PLCXD2: variants seen among roughly 807,000 people sequenced by gnomAD.
PLCXD2 encodes phosphatidylinositol specific phospholipase C X domain containing 2.
Under a neutral mutation model 28.6 loss-of-function variants are expected in PLCXD2, and 21 were observed. The ratio of observed to expected loss-of-function variants is 0.73; its 90% CI spans 0.52 to 1.06. The LOEUF is 1.06. PLCXD2 is among the 50% of genes least tolerant of loss of function. PLCXD2 has a pLI of 0.00. For synonymous variants in PLCXD2, 140 were observed against 150.1 expected, an observed-to-expected ratio of 0.93 and a Z score of 0.49; for missense variants, 369 against 376.7, an observed-to-expected ratio of 0.98 and a Z score of 0.17.
intron 1 of PLCXD2, among the ~76,000 whole-genome samples, chr3:111,703,197 C>T (rs1941071032): frequency 6.6e-6 from 1 of 152,142 alleles, no homozygotes; most frequent in Admixed American, 6.5e-5. Flanking sequence ...CTGTCCTGTC[C>T]TGTAAAGGGG....
At chr3:111,724,433 A>G (rs1941388132) in intron 3 of PLCXD2, 1 of 152,102 alleles carries the variant, frequency 6.6e-6, no homozygotes, top group Non-Finnish European at 1.5e-5. Context: ...ACATGATCTC[A>G]TATTCATCCA....
At chr3:111,696,228 C>T (rs970803529) in intron 1 of PLCXD2, among the ~76,000 whole-genome samples, 1 of 152,246 alleles carries the variant, frequency 6.6e-6, no homozygotes, top group Non-Finnish European at 1.5e-5. Context: ...GCTGTTTGCA[C>T]AGATTGTCTT....
chr3:111,697,216 A>G (rs1297308675), intron 1 of PLCXD2, among the ~76,000 whole-genome samples: 2 of 152,176 alleles, frequency 1.3e-5, no homozygotes, highest in African/African-American at 4.8e-5. Flanking sequence ...TTGCAGGTAC[A>G]CCTTGTCAAA....
At chr3:111,719,394 A>AT (rs1002833170) in intron 3 of PLCXD2, among the ~76,000 whole-genome samples, 16 of 152,128 alleles carry the variant, frequency 1.1e-4, no homozygotes, top group Admixed American at 4.6e-4. Context: ...CAACTCAACA[A>AT]TTTTTTTAAA....
rs528247982 is a variant in PLCXD2, at chr3:111,724,511, G to A, written c.867-8108G>A. ...CTGGAATTAAATGCAGTTTTATGGC[G>A]TGGCGGGACTTTCCATCTCTCGTTT... On this transcript the variant is annotated intron_variant, in intron 3 of 4. Coordinates refer to ENST00000477665, the MANE Select transcript of PLCXD2 (RefSeq NM_001185106.1). 35 of 152,268 alleles carry A rather than the reference G, an allele frequency of 2.3e-4. 1 individual carries two copies. Among genetic ancestry groups the A allele is most frequent in the African/African-American group, 5.8e-4 (24 of 41,552 alleles). The allele number at this position is 152,268 out of a possible 1,614,324, so 9.4% of individuals were successfully genotyped here.
intron 1 of PLCXD2, among the ~76,000 whole-genome samples, chr3:111,698,278 C>T (rs1168162574): frequency 6.6e-6 from 1 of 152,084 alleles, no homozygotes; most frequent in Non-Finnish European, 1.5e-5. Flanking sequence ...TGCTGTTGTC[C>T]ACATTGTGCA....
chr3:111,702,847 T>C (rs941334957), intron 1 of PLCXD2, among the ~76,000 whole-genome samples: 2 of 151,940 alleles, frequency 1.3e-5, no homozygotes, highest in Non-Finnish European at 2.9e-5. Context: ...TGTAGGGGAG[T>C]AATAAGGGAA....
chr3:111,704,925 G>A (rs544176439), intron 1 of PLCXD2, among the ~76,000 whole-genome samples: 2 of 151,614 alleles, frequency 1.3e-5, no homozygotes, highest in South Asian at 2.1e-4. Context: ...TAATGCTCAC[G>A]CCTCAGCCTC....
chr3:111,690,923 A>C (rs1257660993), intron 1 of PLCXD2, among the ~76,000 whole-genome samples: 1 of 152,232 alleles, frequency 6.6e-6, no homozygotes, highest in Admixed American at 6.5e-5. Context: ...AAAATGACCC[A>C]CAAAATAATG....
chr3:111,694,470 GC>G (rs936980413), intron 1 of PLCXD2, among the ~76,000 whole-genome samples: 6 of 147,024 alleles, frequency 4.1e-5, no homozygotes, highest in Non-Finnish European at 6.1e-5. Flanking sequence ...ATTGAAGAGA[GC>G]TTTTTTTTTT....
chr3:111,713,765 T>C, intron 2 of PLCXD2, 122 bp from the exon 3 acceptor site: 1 of 1,116,320 alleles, frequency 9.0e-7, no homozygotes, highest in South Asian at 1.7e-5. Flanking sequence ...TATAAACAGT[T>C]CTTGACTTTC....
At chr3:111,698,365 C>T (rs960755366) in intron 1 of PLCXD2, among the ~76,000 whole-genome samples, 3 of 152,202 alleles carry the variant, frequency 2.0e-5, no homozygotes, top group Non-Finnish European at 4.4e-5. Flanking sequence ...CTCAGGCAGC[C>T]TGACAACAGA....
chr3:111,697,775 TTAAAAA>T (rs1452658135), intron 1 of PLCXD2, among the ~76,000 whole-genome samples: 1 of 152,196 alleles, frequency 6.6e-6, no homozygotes, highest in Non-Finnish European at 1.5e-5. Flanking sequence ...TTTTATGTTG[TTAAAAA>T]TAAAAAGTTT....
chr3:111,722,208 T>C (rs1460769783), intron 3 of PLCXD2: 1 of 151,908 alleles, frequency 6.6e-6, no homozygotes, highest in African/African-American at 2.4e-5. Context: ...TATTTATTTA[T>C]TTATTTATAG....
At chr3:111,697,369 C>T (rs1224499879) in intron 1 of PLCXD2, among the ~76,000 whole-genome samples, 2 of 152,018 alleles carry the variant, frequency 1.3e-5, no homozygotes, top group Non-Finnish European at 2.9e-5. Context: ...CAAGCACACT[C>T]GAGAGGCCTA....
At chr3:111,691,238 A>T (rs1940872121) in intron 1 of PLCXD2, 1 of 152,268 alleles carries the variant, frequency 6.6e-6, no homozygotes, top group South Asian at 2.1e-4. Context: ...CTTTGCAATG[A>T]TGAATAGTCC....
At chr3:111,681,231 T>C (rs1576452531) in intron 1 of PLCXD2, among the ~76,000 whole-genome samples, 1 of 152,226 alleles carries the variant, frequency 6.6e-6, no homozygotes, top group Non-Finnish European at 1.5e-5. Flanking sequence ...CAATAGCAGG[T>C]GGCTGATCAA....
At chr3:111,694,914 T>C (rs1940940174) in intron 1 of PLCXD2, among the ~76,000 whole-genome samples, 1 of 152,194 alleles carries the variant, frequency 6.6e-6, no homozygotes, top group Non-Finnish European at 1.5e-5. Flanking sequence ...CTGTATTGCC[T>C]GTATGCATAT....
chr3:111,675,383 C>T lies in PLCXD2; in HGVS notation c.138C>T (p.Leu46=). ...CGCTCCCCCCTCACCTCCACAACCT[C>T]CCCCTTTCCAATCTGGCAATCCCAG... The change falls in exon 1 of 5, where the codon CTC becomes CTT. Residue 46 remains leucine, a synonymous_variant. Transcript: ENST00000477665. 6.2e-7 allele frequency: 1 copy of T among 1,614,160 alleles called. No individual in the cohort carries two copies. Among genetic ancestry groups the T allele is most frequent in the Non-Finnish European group, 8.5e-7 (1 of 1,180,034 alleles).
Sources: gnomAD v4.1 joint callset for allele counts (sites outside exome capture counted in the v4.1 genomes callset) on GRCh38, gnomAD v4.1.1 for gene constraint, MANE v1.5 for transcripts, NCBI Gene and HGNC (gene_info 2026-07-23, HGNC 2026-07-21) for gene names.